The following SBF2 variants were observed in gnomAD, a reference collection of about 807,000 sequenced individuals.
SBF2 encodes SET binding factor 2.
In SBF2, 112 loss-of-function variants were observed where a neutral mutation model predicts 225.2. That is an observed-to-expected ratio of 0.50 (90% CI 0.43 to 0.58). SBF2 has a LOEUF of 0.58. Among genes scored for constraint, SBF2 ranks in the 20% least tolerant of loss-of-function variants. The pLI, the probability that SBF2 is intolerant of heterozygous loss-of-function variation, is 0.00. For missense variants in SBF2, 1,996 were observed against 2,206.2 expected, an observed-to-expected ratio of 0.90 and a Z score of 1.91; for synonymous variants, 763 against 773.3, an observed-to-expected ratio of 0.99 and a Z score of 0.22.
chr11:9,917,062 A>G (rs1435200071), intron 16 of SBF2, among the ~76,000 whole-genome samples: 1 of 141,892 alleles, frequency 7.0e-6, no homozygotes, highest in African/African-American at 2.5e-5. Flanking sequence ...TTTTATTTTC[A>G]TTTAAAAAAA....
At chr11:10,218,292 T>C (rs1281398832) in intron 1 of SBF2, among the ~76,000 whole-genome samples, 1 of 150,120 alleles carries the variant, frequency 6.7e-6, no homozygotes, top group Non-Finnish European at 1.5e-5. Context: ...ACTTATCCAC[T>C]ATCACATGAA....
At chr11:10,201,953 G>A (rs1957584878) in intron 1 of SBF2, among the ~76,000 whole-genome samples, 1 of 152,134 alleles carries the variant, frequency 6.6e-6, no homozygotes, top group African/African-American at 2.4e-5. Context: ...ATAAACAGCA[G>A]CTACACAGCT....
At chr11:10,168,931 G>C (rs1466448880) in intron 2 of SBF2, among the ~76,000 whole-genome samples, 1 of 152,146 alleles carries the variant, frequency 6.6e-6, no homozygotes, top group Non-Finnish European at 1.5e-5. Flanking sequence ...TTTTAAAGCA[G>C]TTTAATACTC....
At chr11:10,297,133 T>C (rs1005332762), upstream of SBF2, among the ~76,000 whole-genome samples, 10 of 152,216 alleles carry the variant, frequency 6.6e-5, no homozygotes, top group African/African-American at 2.4e-4. Context: ...TTTGCAGATA[T>C]TTTCCCATTC....
At chr11:10,215,814 C>G (rs1220997254) in intron 1 of SBF2, among the ~76,000 whole-genome samples, 1 of 152,230 alleles carries the variant, frequency 6.6e-6, no homozygotes, top group Non-Finnish European at 1.5e-5. Flanking sequence ...TAACATGTTA[C>G]TCCACTTAAC....
chr11:9,873,340 A>C lies in SBF2; in HGVS notation c.1930-14944T>G, dbSNP rs1858942138. ...CCACAAATGGTGGTTATAGTCATTC[A>C]CCACAGTCTGAGAATTCAAAAGATA... On this transcript the variant is annotated intron_variant, in intron 17 of 39. Coordinates refer to ENST00000256190, the MANE Select transcript of SBF2 (RefSeq NM_030962.4). Among the ~76,000 whole-genome samples the C allele has an allele frequency of 2.0e-5, 3 of 152,154 alleles. No homozygotes were observed. In the South Asian group the frequency reaches 6.2e-4, roughly 31 times the overall value.
In SBF2 at chr11:9,808,881, A is replaced by G. The variant is rs763467363; in HGVS notation, c.4257+20T>C. Reference sequence around the variant, plus strand: ...GGAAATATAAATATAAAATATCAAAAAATATGTCTAATAGTTTACTTGTGC... The same window carrying G: ...GGAAATATAAATATAAAATATCAAAGAATATGTCTAATAGTTTACTTGTGC... On this transcript the variant is annotated intron_variant, in intron 31 of 39. Coordinates refer to ENST00000256190, the MANE Select transcript of SBF2 (RefSeq NM_030962.4). 1.4e-5 allele frequency: 21 copies of G among 1,534,116 alleles called. No individual in the cohort carries two copies. Among genetic ancestry groups the G allele is most frequent in the Admixed American group, 1.3e-4 (8 of 59,752 alleles).
At chr11:9,812,388 G>A in intron 30 of SBF2, 144 bp downstream of exon 30, 1 of 830,558 alleles carries the variant, frequency 1.2e-6, no homozygotes, top group Non-Finnish European at 2.0e-6. Context: ...AGTCTGAAAG[G>A]CCTTTACTGA....
At chr11:10,041,647 T>C (rs905829604) in intron 3 of SBF2, among the ~76,000 whole-genome samples, 2 of 152,192 alleles carry the variant, frequency 1.3e-5, no homozygotes, top group African/African-American at 4.8e-5. Flanking sequence ...TGAGTCTGCA[T>C]CATGAAAGGT....
intron 1 of SBF2, among the ~76,000 whole-genome samples, chr11:10,254,076 C>T (rs1026157399): frequency 3.9e-5 from 6 of 152,062 alleles, no homozygotes; most frequent in South Asian, 2.1e-4. Context: ...GAAAACAGTA[C>T]GGAGGTTGCT....
intron 3 of SBF2, among the ~76,000 whole-genome samples, chr11:10,035,711 G>C (rs1308382702): frequency 6.6e-6 from 1 of 152,156 alleles, no homozygotes; most frequent in African/African-American, 2.4e-5. Context: ...AAATCACAAT[G>C]AGATACCATC....
intron 16 of SBF2, among the ~76,000 whole-genome samples, chr11:9,952,504 C>T (rs948182161): frequency 1.3e-5 from 2 of 152,102 alleles, no homozygotes; most frequent in African/African-American, 2.4e-5. Flanking sequence ...AGGCTTTTCC[C>T]GCTGCTACTT....
In SBF2 at chr11:9,899,871, C is replaced by A. The variant is rs564866392; in HGVS notation, c.1861-3860G>T. Among the ~76,000 whole-genome samples the A allele has an allele frequency of 2.6e-5, 4 of 152,168 alleles. No individual in the cohort carries two copies. In the East Asian group the frequency reaches 7.7e-4, roughly 29 times the overall value. ...AAGCAGCTTGGTTCTGCAAGGAAGA[C>A]TCAGGACTTCCTATTTTTATGGTGA... On this transcript the variant is annotated intron_variant, in intron 16 of 39. Transcript: ENST00000256190.
At chr11:9,991,120 A>G (rs1421062625) in intron 12 of SBF2, among the ~76,000 whole-genome samples, 2 of 152,228 alleles carry the variant, frequency 1.3e-5, no homozygotes, top group Admixed American at 6.5e-5. Context: ...CCCATAAAAT[A>G]TTATGTTATG....
chr11:10,265,614 T>G (rs1407950863), intron 1 of SBF2, among the ~76,000 whole-genome samples: 1 of 152,038 alleles, frequency 6.6e-6, no homozygotes, highest in Non-Finnish European at 1.5e-5. Context: ...CACATGCAGC[T>G]TAAATTCTGT....
intron 1 of SBF2, among the ~76,000 whole-genome samples, chr11:10,275,348 G>A (rs1481905371): frequency 6.6e-6 from 1 of 151,846 alleles, no homozygotes; most frequent in Non-Finnish European, 1.5e-5. Flanking sequence ...AGTCTTTAGT[G>A]GCAAAACTCT....
chr11:9,821,647 T>C lies in SBF2; in HGVS notation c.3794-4623A>G, dbSNP rs995402641. Among the ~76,000 whole-genome samples the C allele has an allele frequency of 5.5e-4, 83 of 152,230 alleles. 1 individual carries two copies. Among genetic ancestry groups the C allele is most frequent in the Non-Finnish European group, 1.8e-4 (12 of 68,032 alleles). On this transcript the variant is annotated intron_variant, in intron 28 of 39. Transcript: ENST00000256190. ...TTTTTCCAAGCTGCAGGATCCTCCT[T>C]AGTGGCTTGGGAAATCACTCTAATA...
chr11:9,963,971 T>C (rs1004798139), intron 14 of SBF2, 89 bp from the exon 15 acceptor site: 2 of 790,614 alleles, frequency 2.5e-6, no homozygotes, highest in African/African-American at 3.4e-5. Context: ...AGACTGTAGG[T>C]TGGGCGTGGA....
At chr11:9,997,873 T>C (rs1353703118) in intron 9 of SBF2, among the ~76,000 whole-genome samples, 11 of 152,226 alleles carry the variant, frequency 7.2e-5, no homozygotes, top group Non-Finnish European at 2.9e-5. Context: ...TTACAGTGTT[T>C]TGTAGGTACC....
Sources: allele counts gnomAD v4.1 joint callset (sites outside exome capture counted in the v4.1 genomes callset), GRCh38; gene constraint gnomAD v4.1.1; transcripts MANE v1.5; gene names NCBI Gene and HGNC (gene_info 2026-07-23, HGNC 2026-07-21).